CIMIP5: variants seen among roughly 807,000 people sequenced by gnomAD.
The protein encoded by CIMIP5 is uncharacterized protein C2orf50.
the CIMIP5 span, among the ~76,000 whole-genome samples, chr2:11,151,913 C>T: frequency 9.2e-5 from 14 of 152,228 alleles, no homozygotes; most frequent in Non-Finnish European, 2.1e-4. Context: ...GGATTACAGG[C>T]GTGAGCCACC....
At chr2:11,153,325 G>A in the CIMIP5 span, among the ~76,000 whole-genome samples, 36,367 of 152,104 alleles carry the variant, frequency 0.24, 4,710 homozygotes, top group East Asian at 0.48. Context: ...TGGTCCTGGG[G>A]GCACTCATAC....
At chr2:11,133,829 G>C in the CIMIP5 span, among the ~76,000 whole-genome samples, 3 of 152,138 alleles carry the variant, frequency 2.0e-5, no homozygotes, top group Admixed American at 1.3e-4. Flanking sequence ...GCCCCACCTC[G>C]TTCATTCCGA....
the CIMIP5 span, among the ~76,000 whole-genome samples, chr2:11,143,026 A>G: frequency 5.3e-5 from 8 of 152,322 alleles, no homozygotes; most frequent in East Asian, 1.3e-3. Context: ...TTAGTCATTC[A>G]TTCATGCATG....
At chr2:11,154,404 C>T in the CIMIP5 span, among the ~76,000 whole-genome samples, 2 of 152,144 alleles carry the variant, frequency 1.3e-5, no homozygotes, top group Non-Finnish European at 2.9e-5. Flanking sequence ...GAGAAAGAGC[C>T]TCGGCCAGAA....
At chr2:11,153,133 G>C in the CIMIP5 span, among the ~76,000 whole-genome samples, 3 of 152,246 alleles carry the variant, frequency 2.0e-5, no homozygotes, top group Admixed American at 2.0e-4. Context: ...AACCCCGAAG[G>C]GCCACACACC....
At chr2:11,142,713 A>ACT in the CIMIP5 span, among the ~76,000 whole-genome samples, 1 of 104,140 alleles carries the variant, frequency 9.6e-6, no homozygotes, top group Non-Finnish European at 1.9e-5. Flanking sequence ...CACTTGTCAG[A>ACT]TTTTTTTTTT....
the CIMIP5 span, among the ~76,000 whole-genome samples, chr2:11,141,344 GT>G: frequency 6.6e-6 from 1 of 151,914 alleles, no homozygotes; most frequent in Non-Finnish European, 1.5e-5. Flanking sequence ...AGCCAGGCTG[GT>G]CTCGAACTCC....
At chr2:11,153,528 A>G in the CIMIP5 span, among the ~76,000 whole-genome samples, 1 of 152,220 alleles carries the variant, frequency 6.6e-6, no homozygotes, top group African/African-American at 2.4e-5. Context: ...GGCACTTCCA[A>G]CCAGGACCAC....
At chr2:11,146,845 G>A in the CIMIP5 span, 1 of 152,268 alleles carries the variant, frequency 6.6e-6, no homozygotes, top group Non-Finnish European at 1.5e-5. Flanking sequence ...TAGGCTGGGT[G>A]GGTACAAAGA....
the CIMIP5 span, chr2:11,145,871 G>A: frequency 6.6e-6 from 1 of 152,100 alleles, no homozygotes; most frequent in Non-Finnish European, 1.5e-5. Flanking sequence ...AACAAAAACT[G>A]GCCAAAACAA....
the CIMIP5 span, among the ~76,000 whole-genome samples, chr2:11,150,049 C>G: frequency 9.9e-4 from 150 of 152,282 alleles, no homozygotes; most frequent in African/African-American, 3.4e-3. Context: ...CGGGTTCAAG[C>G]GATTCTCCTG....
the CIMIP5 span, among the ~76,000 whole-genome samples, chr2:11,143,640 GA>G: frequency 6.6e-6 from 1 of 152,088 alleles, no homozygotes; most frequent in Non-Finnish European, 1.5e-5. Flanking sequence ...ATAGAAAGGG[GA>G]ATAAGACCTG....
chr2:11,153,530 C>G, the CIMIP5 span, among the ~76,000 whole-genome samples: 1 of 152,222 alleles, frequency 6.6e-6, no homozygotes, highest in African/African-American at 2.4e-5. Flanking sequence ...CACTTCCAAC[C>G]AGGACCACCT....
At chr2:11,146,267 G>T in the CIMIP5 span, among the ~76,000 whole-genome samples, 8 of 152,314 alleles carry the variant, frequency 5.3e-5, no homozygotes, top group Non-Finnish European at 7.3e-5. Flanking sequence ...GCGCAGAGAG[G>T]TTAAGTCACT....
the CIMIP5 span, among the ~76,000 whole-genome samples, chr2:11,138,787 A>G: frequency 6.6e-6 from 1 of 152,156 alleles, no homozygotes; most frequent in Non-Finnish European, 1.5e-5. Context: ...GCCTGCTGCC[A>G]CTTTGCCTTC....
the CIMIP5 span, among the ~76,000 whole-genome samples, chr2:11,152,418 C>CA: frequency 6.6e-6 from 1 of 152,194 alleles, no homozygotes; most frequent in African/African-American, 2.4e-5. Context: ...GGAACCAGGA[C>CA]AGCTTAAAGT....
chr2:11,142,266 C>CAAAA, the CIMIP5 span, among the ~76,000 whole-genome samples: 11 of 84,518 alleles, frequency 1.3e-4, no homozygotes, highest in Admixed American at 2.8e-4. Flanking sequence ...AATTCAGTCT[C>CAAAA]AAAAAAAAAA....
chr2:11,149,968 C>T, the CIMIP5 span, among the ~76,000 whole-genome samples: 7 of 152,268 alleles, frequency 4.6e-5, no homozygotes, highest in South Asian at 2.1e-4. Flanking sequence ...GTTTTTGAGA[C>T]GGCGTCTCAC....
chr2:11,143,714 G>A, the CIMIP5 span, among the ~76,000 whole-genome samples: 1 of 152,196 alleles, frequency 6.6e-6, no homozygotes, highest in African/African-American at 2.4e-5. Context: ...GGCACCTGGG[G>A]AAGGGGAAGT....
Sources: gnomAD v4.1 joint callset for allele counts (sites outside exome capture counted in the v4.1 genomes callset) on GRCh38, gnomAD v4.1.1 for gene constraint, MANE v1.5 for transcripts, NCBI Gene and HGNC (gene_info 2026-07-23, HGNC 2026-07-21) for gene names.